HPCAL1: variants seen among roughly 807,000 people sequenced by gnomAD.
HPCAL1 encodes hippocalcin like 1.
Under a neutral mutation model 17.1 loss-of-function variants are expected in HPCAL1, and 8 were observed. The observed-to-expected ratio is 0.47, with a 90% CI of 0.27 to 0.84. The LOEUF is 0.84. Among genes scored for constraint, HPCAL1 ranks in the 40% least tolerant of loss-of-function variants. The pLI is 0.13. For missense variants in HPCAL1, 165 were observed against 271.1 expected (o/e 0.61, Z 2.75); for synonymous variants, 112 against 111.4 (o/e 1.01, Z -0.03).
intron 1 of HPCAL1, among the ~76,000 whole-genome samples, chr2:10,376,323 T>C (rs1461426472): frequency 6.6e-6 from 1 of 152,218 alleles, no homozygotes; most frequent in African/African-American, 2.4e-5. Flanking sequence ...AGTCTTGTGC[T>C]GAAATTGTTA....
chr2:10,367,232 A>G lies in HPCAL1; in HGVS notation c.-110-29603A>G, dbSNP rs1481619427. On this transcript the variant is annotated intron_variant, in intron 1 of 4. Coordinates refer to ENST00000307845, the MANE Select transcript of HPCAL1 (RefSeq NM_002149.4). This position sits in a 1 kb window ranked among gnomAD's most constrained non-coding sequence, Gnocchi z 4.4. ...TGAGACTTTTTACAGTTAGATATTT[A>G]ATATACAGATGACGGGCGGATGGTA... Among the ~76,000 whole-genome samples the G allele has an allele frequency of 6.6e-6, 1 of 152,016 alleles. No homozygotes were observed. Among genetic ancestry groups the G allele is most frequent in the African/African-American group, 2.4e-5 (1 of 41,364 alleles).
chr2:10,399,082 T>C (rs1304447621), intron 2 of HPCAL1, among the ~76,000 whole-genome samples: 2 of 151,764 alleles, frequency 1.3e-5, no homozygotes, highest in Non-Finnish European at 2.9e-5. Flanking sequence ...CTGAGGCTGA[T>C]ACCCGTGTCA....
Position 10,304,026 on chromosome 2 carries a change from T to C in HPCAL1, c.-111+849T>C, listed in dbSNP as rs1156867771. 1.4e-4 allele frequency: 22 copies of C among 152,338 alleles called. No homozygotes were observed. Among genetic ancestry groups the C allele is most frequent in the Middle Eastern group, 3.4e-3 (1 of 292 alleles). 9.4% of individuals were successfully genotyped at this position (152,338 alleles called of 1,614,324 possible). Reference sequence around the variant, plus strand: ...TTATCGTGGGTGGGGCCTTACATTTTCCCCGGGCGTGTTTTGTGCCTCTCC... The same window carrying C: ...TTATCGTGGGTGGGGCCTTACATTTCCCCCGGGCGTGTTTTGTGCCTCTCC... On this transcript the variant is annotated intron_variant, in intron 1 of 4. Transcript: ENST00000307845. The surrounding 1 kb of genome is among the most constrained non-coding windows in gnomAD (Gnocchi z 4.1).
intron 2 of HPCAL1, among the ~76,000 whole-genome samples, chr2:10,418,050 T>TA (rs1670783565): frequency 1.3e-5 from 2 of 151,208 alleles, no homozygotes; most frequent in South Asian, 4.2e-4. Flanking sequence ...AATAAATAAA[T>TA]AAAAAATAGA....
Position 10,367,434 on chromosome 2 carries a change from G to A in HPCAL1, c.-110-29401G>A, listed in dbSNP as rs1558490667. Among the ~76,000 whole-genome samples, 1 of 151,882 alleles carries A rather than the reference G, an allele frequency of 6.6e-6. No individual in the cohort carries two copies. Among genetic ancestry groups the A allele is most frequent in the African/African-American group, 2.4e-5 (1 of 41,304 alleles). On this transcript the variant is annotated intron_variant, in intron 1 of 4. Coordinates refer to ENST00000307845, the MANE Select transcript of HPCAL1 (RefSeq NM_002149.4). The surrounding 1 kb of genome is among the most constrained non-coding windows in gnomAD (Gnocchi z 4.4). ...CCTGAATAGCTGGGACTACAGGTGT[G>A]CGCCACCACGCATGGCTAATTTTTT... is the stretch of plus-strand genomic sequence containing the variant.
At chr2:10,318,783 T>A (rs1286497685) in intron 1 of HPCAL1, among the ~76,000 whole-genome samples, 1 of 152,142 alleles carries the variant, frequency 6.6e-6, no homozygotes, top group Non-Finnish European at 1.5e-5. Flanking sequence ...TCCCTTGCAG[T>A]GTAATGGGTA....
chr2:10,415,566 G>A (rs1001886701), intron 2 of HPCAL1, among the ~76,000 whole-genome samples: 14 of 152,140 alleles, frequency 9.2e-5, no homozygotes, highest in African/African-American at 2.9e-4. Context: ...GGCAAGGACC[G>A]TATGGGTTTT....
At position 10,399,548 on chromosome 2, in the gene HPCAL1, C is replaced by T. The variant is rs1270728825; in HGVS notation, c.-25+2628C>T. On this transcript the variant is annotated intron_variant, in intron 2 of 4. Transcript: ENST00000307845. ...CCGCCACTGCCACCGCCACCATCAC[C>T]GCCACCACTACCGCCACCGCCACCA... Among the ~76,000 whole-genome samples, 76 of 119,788 alleles carry T rather than the reference C, an allele frequency of 6.3e-4. 2 individuals are homozygous for T. The highest frequency in any genetic ancestry group is 2.3e-3 in the African/African-American group (60 of 26,138). The allele number at this position is 119,788 out of a possible 152,430, so 78.6% of individuals were successfully genotyped here.
chr2:10,349,009 G>A (rs562094318), intron 1 of HPCAL1, among the ~76,000 whole-genome samples: 5 of 152,142 alleles, frequency 3.3e-5, no homozygotes, highest in African/African-American at 7.2e-5. Flanking sequence ...AAGTAGCCAC[G>A]CATTTGAGCC....
chr2:10,378,358 C>T (rs915074182), intron 1 of HPCAL1, among the ~76,000 whole-genome samples: 1 of 151,378 alleles, frequency 6.6e-6, no homozygotes, highest in South Asian at 2.1e-4. Flanking sequence ...CTTCCTGTCC[C>T]GATAAAGGAG....
At chr2:10,407,198 C>G (rs970465577) in intron 2 of HPCAL1, among the ~76,000 whole-genome samples, 10 of 152,146 alleles carry the variant, frequency 6.6e-5, no homozygotes, top group African/African-American at 2.2e-4. Flanking sequence ...GGCCCCAAAA[C>G]TCTACTCTGC....
chr2:10,340,455 C>T (rs1462790634), intron 1 of HPCAL1, among the ~76,000 whole-genome samples: 4 of 152,004 alleles, frequency 2.6e-5, no homozygotes, highest in Admixed American at 6.5e-5. Context: ...GTGCCTTTAA[C>T]GTTGGATGAC....
chr2:10,391,141 C>T (rs1668667371), intron 1 of HPCAL1, among the ~76,000 whole-genome samples: 1 of 152,222 alleles, frequency 6.6e-6, no homozygotes, highest in South Asian at 2.1e-4. Context: ...CCTAGGTTTG[C>T]AGGGCCTGCT....
At chr2:10,318,236 A>G (rs952566098) in intron 1 of HPCAL1, among the ~76,000 whole-genome samples, 1 of 152,010 alleles carries the variant, frequency 6.6e-6, no homozygotes, top group Non-Finnish European at 1.5e-5. Context: ...CCTCAAACTC[A>G]CTGAAACAGA....
chr2:10,415,420 C>T (rs1006035258), intron 2 of HPCAL1, among the ~76,000 whole-genome samples: 3 of 152,144 alleles, frequency 2.0e-5, no homozygotes, highest in Admixed American at 6.5e-5. Context: ...TCCTCATAAG[C>T]GCTCCTAGGA....
chr2:10,327,571 A>G (rs1664092365), intron 1 of HPCAL1, among the ~76,000 whole-genome samples: 1 of 152,236 alleles, frequency 6.6e-6, no homozygotes, highest in Non-Finnish European at 1.5e-5. Context: ...ATCATACTTT[A>G]TAGAGCGTAG....
chr2:10,338,758 C>A (rs181100351), intron 1 of HPCAL1, among the ~76,000 whole-genome samples: 4 of 152,096 alleles, frequency 2.6e-5, no homozygotes, highest in Non-Finnish European at 5.9e-5. Context: ...AGCTTTGAGG[C>A]GTATCCACAA....
chr2:10,358,770 T>G (rs6735047), intron 1 of HPCAL1, among the ~76,000 whole-genome samples: 115,930 of 151,800 alleles, frequency 0.76, 44,481 homozygotes, highest in East Asian at 0.99. Context: ...ATCTGCTGGG[T>G]GAGCTCAATA....
chr2:10,399,412 C>T (rs1487771757), intron 2 of HPCAL1, among the ~76,000 whole-genome samples: 2 of 64,426 alleles, frequency 3.1e-5, no homozygotes, highest in East Asian at 4.9e-4. Context: ...ACCACCACCA[C>T]CACCACCACC....
Sources: gnomAD v4.1 joint callset for allele counts (sites outside exome capture counted in the v4.1 genomes callset) on GRCh38, gnomAD v4.1.1 for gene constraint, Gnocchi (gnomAD v3.1) non-coding constraint, MANE v1.5 for transcripts, NCBI Gene and HGNC (gene_info 2026-07-23, HGNC 2026-07-21) for gene names.